TCF19: variants seen among roughly 807,000 people sequenced by gnomAD.
The protein encoded by TCF19 is transcription factor SC1.
A neutral mutation model predicts 18.3 loss-of-function variants in TCF19; 9 were observed. The ratio of observed to expected loss-of-function variants is 0.49; its 90% CI spans 0.30 to 0.86. TCF19 has a LOEUF of 0.86. Ranked by LOEUF, TCF19 falls within the 40% of genes least tolerant of loss-of-function variation. The pLI, the probability that TCF19 is intolerant of heterozygous loss-of-function variation, is 0.07. For missense variants in TCF19, 376 were observed against 464.3 expected, an observed-to-expected ratio of 0.81 and a Z score of 1.75; for synonymous variants, 176 against 185.3, an observed-to-expected ratio of 0.95 and a Z score of 0.41.
In TCF19 at chr6:31,162,430, C is replaced by T. The variant is rs1776846054; in HGVS notation, c.798-47C>T. 6.4e-7 allele frequency: 1 copy of T among 1,566,284 alleles called. No individual in the cohort carries two copies. Among genetic ancestry groups the T allele is most frequent in the Non-Finnish European group, 8.6e-7 (1 of 1,156,284 alleles). On this transcript the variant is annotated intron_variant, in intron 3 of 3. Transcript: ENST00000376257. The surrounding 1 kb of genome is among the most constrained non-coding windows in gnomAD (Gnocchi z 4.5). ...CATAGGGTGGCAAGGTCTAGGCCTT[C>T]TCCTACAGGTTTCCGGTGACCCTTG...
chr6:31,163,627 A>AGGGCAACTG lies in TCF19; in HGVS notation c.*913_*921dup. Reference sequence around the variant, plus strand: ...TCCACTCCACGGGTGGACACAGCAGAGGGCAACTGGGCTGGCCTGGTTCAG... The same window carrying AGGGCAACTG: ...TCCACTCCACGGGTGGACACAGCAGAGGGCAACTGGGGCAACTGGGCTGGCCTGGTTCAG... On this transcript the variant is annotated 3_prime_UTR_variant, in exon 4 of 4. Coordinates refer to ENST00000376257, the MANE Select transcript of TCF19 (RefSeq NM_007109.3). The AGGGCAACTG allele has an allele frequency of 8.1e-6, 8 of 985,514 alleles. No homozygotes were observed. The highest frequency in any genetic ancestry group is 9.6e-6 in the Non-Finnish European group (8 of 829,986). The allele number at this position is 985,514 out of a possible 1,614,324, so 61.0% of individuals were successfully genotyped here.
Position 31,163,124 on chromosome 6 carries a change from C to T in TCF19, c.*407C>T, listed in dbSNP as rs1776914360. 1.9e-6 allele frequency: 2 copies of T among 1,034,934 alleles called. No homozygotes were observed. Among genetic ancestry groups the T allele is most frequent in the Non-Finnish European group, 2.3e-6 (2 of 860,810 alleles). The allele number at this position is 1,034,934 out of a possible 1,614,324, so 64.1% of individuals were successfully genotyped here. ...CAAGGCATTCTGGGAAAACCTAGGG[C>T]CTGGCCCCAAAACTTCCCTACTCTG... On this transcript the variant is annotated 3_prime_UTR_variant, in exon 4 of 4. Coordinates refer to ENST00000376257, the MANE Select transcript of TCF19 (RefSeq NM_007109.3).
Position 31,159,397 on chromosome 6 carries a change from G to C in TCF19, c.-73G>C, listed in dbSNP as rs1776575890. 3.0e-6 allele frequency: 4 copies of C among 1,336,488 alleles called. No homozygotes were observed. The highest frequency in any genetic ancestry group is 1.5e-5 in the South Asian group (1 of 67,502). The allele number at this position is 1,336,488 out of a possible 1,614,324, so 82.8% of individuals were successfully genotyped here. ...GACTGGGAAGCGAACTTAAGCCAGC[G>C]GTGCGTGGCCCAGGAGTGGGAAAGG... On this transcript the variant is annotated 5_prime_UTR_variant, in exon 2 of 4. Coordinates refer to ENST00000376257, the MANE Select transcript of TCF19 (RefSeq NM_007109.3).
In TCF19 at chr6:31,159,050, T is replaced by G; in HGVS notation, c.-420T>G. The G allele has an allele frequency of 5.0e-6, 1 of 201,962 alleles. No homozygotes were observed. 12.5% of individuals were successfully genotyped at this position (201,962 alleles called of 1,614,324 possible). A position where few individuals can be genotyped will look rare whatever the true frequency, so the allele number is the denominator to read the frequency against. ...ATTACACAGAGGTGATGTGTTCGTA[T>G]TGCACGTAGACGTGTGTATAACAGG... On this transcript the variant is annotated 5_prime_UTR_variant, in exon 2 of 4. The change creates a premature stop within an existing upstream ORF in the 5' untranslated region. Coordinates refer to ENST00000376257, the MANE Select transcript of TCF19 (RefSeq NM_007109.3).
Position 31,164,207 on chromosome 6 carries a change from G to A in TCF19, c.*1490G>A. On this transcript the variant is annotated 3_prime_UTR_variant, in exon 4 of 4. Coordinates refer to ENST00000376257, the MANE Select transcript of TCF19 (RefSeq NM_007109.3). ...GGGCCCTGTACAAATAAACTTGGCT[G>A]CAATCCCAGCTCTCCCTCTGATGTT... 4.2e-6 allele frequency: 5 copies of A among 1,201,924 alleles called. No individual in the cohort carries two copies. The highest frequency in any genetic ancestry group is 4.2e-6 in the Non-Finnish European group (4 of 956,770). 74.5% of individuals were successfully genotyped at this position (1,201,924 alleles called of 1,614,324 possible). A position where few individuals can be genotyped will look rare whatever the true frequency, so the allele number is the denominator to read the frequency against.
chr6:31,164,176 A>G lies in TCF19; in HGVS notation c.*1459A>G, dbSNP rs142348421. ...ATCACAGGCTTTTGGGAACTAGCCT[A>G]TCACAGGGCCCTGTACAAATAAACT... is the stretch of plus-strand genomic sequence containing the variant. On this transcript the variant is annotated 3_prime_UTR_variant, in exon 4 of 4. Transcript: ENST00000376257. 2.7e-3 allele frequency: 2,977 copies of G among 1,121,930 alleles called. 46 individuals carry two copies. In the African/African-American group the frequency reaches 0.036, roughly 14 times the overall value. The allele number at this position is 1,121,930 out of a possible 1,614,324, so 69.5% of individuals were successfully genotyped here. A position where few individuals can be genotyped will look rare whatever the true frequency, so the allele number is the denominator to read the frequency against.
chr6:31,163,994 G>GTT lies in TCF19; in HGVS notation c.*1277_*1278insTT. 3 of 990,172 alleles carry GTT rather than the reference G, an allele frequency of 3.0e-6. No individual in the cohort carries two copies. The highest frequency in any genetic ancestry group is 3.6e-6 in the Non-Finnish European group (3 of 832,854). The allele number at this position is 990,172 out of a possible 1,614,324, so 61.3% of individuals were successfully genotyped here. Reference sequence around the variant, plus strand: ...ATCAAGAAAGCACAAAGTATTAATAGAAGTTTCTGGTTGGGGTGATCTAGG... The same window carrying GTT: ...ATCAAGAAAGCACAAAGTATTAATAGTTAAGTTTCTGGTTGGGGTGATCTAGG... On this transcript the variant is annotated 3_prime_UTR_variant, in exon 4 of 4. Transcript: ENST00000376257.
intron 2 of TCF19, among the ~76,000 whole-genome samples, chr6:31,160,740 CAG>C (rs1337936437): frequency 6.6e-6 from 1 of 150,552 alleles, no homozygotes; most frequent in African/African-American, 2.4e-5. Context: ...GCTTGGGCGA[CAG>C]AGCGAGACTC....
chr6:31,160,399 A>C (rs2151091166), intron 2 of TCF19, among the ~76,000 whole-genome samples: 1 of 152,336 alleles, frequency 6.6e-6, no homozygotes, highest in South Asian at 2.1e-4. Context: ...ACTTGAGCTC[A>C]GGAGTTCGAG....
intron 2 of TCF19, among the ~76,000 whole-genome samples, 164 bp from the exon 3 acceptor site, chr6:31,161,283 T>G (rs1253888109): frequency 6.6e-6 from 1 of 151,102 alleles, no homozygotes; most frequent in Non-Finnish European, 1.5e-5. Flanking sequence ...TGACAAGGAG[T>G]GTACTGCCTG....
chr6:31,164,127 G>T lies in TCF19; in HGVS notation c.*1410G>T. ...AACAGGTAACAGCTACATGGTGACT[G>T]AGTCTATGGGCAAAAGTTCTTGCAT... On this transcript the variant is annotated 3_prime_UTR_variant, in exon 4 of 4. Coordinates refer to ENST00000376257, the MANE Select transcript of TCF19 (RefSeq NM_007109.3). 1 of 1,068,656 alleles carries T rather than the reference G, an allele frequency of 9.4e-7. No homozygotes were observed. Among genetic ancestry groups the T allele is most frequent in the Non-Finnish European group, 1.1e-6 (1 of 879,948 alleles). 66.2% of individuals were successfully genotyped at this position (1,068,656 alleles called of 1,614,324 possible).
chr6:31,162,771 C>A lies in TCF19; in HGVS notation c.*54C>A. 6.3e-7 allele frequency: 1 copy of A among 1,587,792 alleles called. No individual in the cohort carries two copies. The highest frequency in any genetic ancestry group is 8.5e-7 in the Non-Finnish European group (1 of 1,171,826). ...ACCTGCCCATGAGTAGACACAGCAG[C>A]GAGCAAATAGGTCTGATAAATACCC... On this transcript the variant is annotated 3_prime_UTR_variant, in exon 4 of 4. Coordinates refer to ENST00000376257, the MANE Select transcript of TCF19 (RefSeq NM_007109.3). This position sits in a 1 kb window ranked among gnomAD's most constrained non-coding sequence, Gnocchi z 4.5.
chr6:31,163,644 C>G lies in TCF19; in HGVS notation c.*927C>G, dbSNP rs994419469. 1 of 985,354 alleles carries G rather than the reference C, an allele frequency of 1.0e-6. No homozygotes were observed. Among genetic ancestry groups the G allele is most frequent in the Non-Finnish European group, 1.2e-6 (1 of 829,978 alleles). 61.0% of individuals were successfully genotyped at this position (985,354 alleles called of 1,614,324 possible). On this transcript the variant is annotated 3_prime_UTR_variant, in exon 4 of 4. Coordinates refer to ENST00000376257, the MANE Select transcript of TCF19 (RefSeq NM_007109.3). Reference sequence around the variant, plus strand: ...CACAGCAGAGGGCAACTGGGCTGGCCTGGTTCAGTGTGAATCAAACCGCTT... The same window carrying G: ...CACAGCAGAGGGCAACTGGGCTGGCGTGGTTCAGTGTGAATCAAACCGCTT...
rs1453222429 is a variant in TCF19 at position 31,158,659 on chromosome 6, CG to C, written c.-634del. 6.6e-6 allele frequency: 1 copy of C among 152,206 alleles called. No individual in the cohort carries two copies. The highest frequency in any genetic ancestry group is 1.5e-5 in the Non-Finnish European group (1 of 68,046). The allele number at this position is 152,206 out of a possible 1,614,324, so 9.4% of individuals were successfully genotyped here. On this transcript the variant is annotated 5_prime_UTR_variant, in exon 1 of 4. It introduces an in-frame stop codon into an upstream open reading frame of the 5' UTR. Coordinates refer to ENST00000376257, the MANE Select transcript of TCF19 (RefSeq NM_007109.3). ...TCCTGCCGAGGAGCCCAAGGGGTCC[CG>C]GGATCCGCCGCACAGGCTGGCACTG...
In TCF19 at chr6:31,163,454, T is replaced by C. The variant is rs1582021571; in HGVS notation, c.*737T>C. ...TCTAGTTTAAGGGAAAACAGATCTA[T>C]TGCCATTTAAATAAGGTAACTGGGA... is the stretch of plus-strand genomic sequence containing the variant. On this transcript the variant is annotated 3_prime_UTR_variant, in exon 4 of 4. Coordinates refer to ENST00000376257, the MANE Select transcript of TCF19 (RefSeq NM_007109.3). 2 of 985,474 alleles carry C rather than the reference T, an allele frequency of 2.0e-6. No individual in the cohort carries two copies. Among genetic ancestry groups the C allele is most frequent in the South Asian group, 4.7e-5 (1 of 21,288 alleles). 61.0% of individuals were successfully genotyped at this position (985,474 alleles called of 1,614,324 possible).
Position 31,162,454 on chromosome 6 carries a change from T to C in TCF19, c.798-23T>C. 1 of 1,590,694 alleles carries C rather than the reference T, an allele frequency of 6.3e-7. No homozygotes were observed. The highest frequency in any genetic ancestry group is 1.1e-5 in the South Asian group (1 of 87,014). On this transcript the variant is annotated intron_variant, in intron 3 of 3. Coordinates refer to ENST00000376257, the MANE Select transcript of TCF19 (RefSeq NM_007109.3). The surrounding 1 kb of genome is among the most constrained non-coding windows in gnomAD (Gnocchi z 4.5). Reference sequence around the variant, plus strand: ...TCTCCTACAGGTTTCCGGTGACCCTTGTGTCTGTGTCACTTCCTTCAGAAA... The same window carrying C: ...TCTCCTACAGGTTTCCGGTGACCCTCGTGTCTGTGTCACTTCCTTCAGAAA...
rs1410738335 is a variant in TCF19, at chr6:31,159,580, C to T, written c.111C>T (p.Ala37=). ...AGCTYRLGHR[A]DLCDVALRPQ... ...GCACCTATCGCTTGGGCCACAGGGC[C>T]GACCTGTGTGATGTGGCCCTGCGGC... is the stretch of plus-strand genomic sequence containing the variant. The change falls in exon 2 of 4, where the codon GCC becomes GCT. Residue 37 remains alanine (A), a synonymous_variant. Coordinates refer to ENST00000376257, the MANE Select transcript of TCF19 (RefSeq NM_007109.3). The T allele has an allele frequency of 6.2e-7, 1 of 1,612,822 alleles. No individual in the cohort carries two copies. Among genetic ancestry groups the T allele is most frequent in the African/African-American group, 1.3e-5 (1 of 75,044 alleles).
At position 31,164,025 on chromosome 6, in the gene TCF19, C is replaced by T. The variant is rs1429903236; in HGVS notation, c.*1308C>T. The T allele has an allele frequency of 1.0e-6, 1 of 995,002 alleles. No individual in the cohort carries two copies. The highest frequency in any genetic ancestry group is 1.2e-6 in the Non-Finnish European group (1 of 835,622). 61.6% of individuals were successfully genotyped at this position (995,002 alleles called of 1,614,324 possible). On this transcript the variant is annotated 3_prime_UTR_variant, in exon 4 of 4. Coordinates refer to ENST00000376257, the MANE Select transcript of TCF19 (RefSeq NM_007109.3). The stretch of plus-strand genomic sequence containing the variant: ...TCTGGTTGGGGTGATCTAGGTTCAA[C>T]AGAAATAAGATGATTTCTAAGTATA...
At chr6:31,160,677 TG>T (rs986685928) in intron 2 of TCF19, among the ~76,000 whole-genome samples, 1 of 152,030 alleles carries the variant, frequency 6.6e-6, no homozygotes, top group African/African-American at 2.4e-5. Flanking sequence ...CAGAATCACT[TG>T]AACCCGGGAG....
Sources: gnomAD v4.1 joint callset for allele counts (sites outside exome capture counted in the v4.1 genomes callset) on GRCh38, gnomAD v4.1.1 for gene constraint, Gnocchi (gnomAD v3.1) non-coding constraint, MANE v1.5 for transcripts, NCBI Gene and HGNC (gene_info 2026-07-23, HGNC 2026-07-21) for gene names.